Variants in VDAC1 observed in about 807,000 individuals in gnomAD.
VDAC1 encodes the protein non-selective voltage-gated ion channel VDAC1.
A neutral mutation model predicts 34.7 loss-of-function variants in VDAC1; 10 were observed. That is an observed-to-expected ratio of 0.29 (90% CI 0.18 to 0.49). The LOEUF is 0.49. Ranked by LOEUF, VDAC1 falls within the 20% of genes least tolerant of loss-of-function variation. VDAC1 has a pLI of 0.99. For synonymous variants in VDAC1, 130 were observed against 136.0 expected, an observed-to-expected ratio of 0.96 and a Z score of 0.30; for missense variants, 230 against 347.9, an observed-to-expected ratio of 0.66 and a Z score of 2.69.
At chr5:133,995,834 G>C (rs1753280290) in intron 1 of VDAC1, among the ~76,000 whole-genome samples, 2 of 152,196 alleles carry the variant, frequency 1.3e-5, no homozygotes, top group South Asian at 4.1e-4. Flanking sequence ...CTAAGGCGAG[G>C]ACTGGAGGAA....
At chr5:134,001,784 C>T (rs1031494089) in intron 1 of VDAC1, among the ~76,000 whole-genome samples, 1 of 151,638 alleles carries the variant, frequency 6.6e-6, no homozygotes, top group Non-Finnish European at 1.5e-5. Flanking sequence ...TGTATGAGAC[C>T]GACCCTATGG....
chr5:133,976,291 AG>A (rs1305002688), intron 6 of VDAC1: 1 of 326,482 alleles, frequency 3.1e-6, no homozygotes, highest in Non-Finnish European at 5.8e-6. Context: ...AGATCACTTG[AG>A]GTCAGGGGTT....
chr5:134,084,022 A>AT, the VDAC1 span, among the ~76,000 whole-genome samples: 1 of 152,230 alleles, frequency 6.6e-6, no homozygotes, highest in Non-Finnish European at 1.5e-5. Context: ...CATCTGTAAA[A>AT]TAGGGGGCAA....
the VDAC1 span, among the ~76,000 whole-genome samples, chr5:134,012,436 T>C: frequency 6.6e-6 from 1 of 152,190 alleles, no homozygotes; most frequent in Non-Finnish European, 1.5e-5. Flanking sequence ...AGTATGAATG[T>C]TTACTCCCAA....
chr5:133,996,246 C>T (rs928556796), intron 1 of VDAC1, among the ~76,000 whole-genome samples: 2 of 152,190 alleles, frequency 1.3e-5, no homozygotes, highest in Non-Finnish European at 2.9e-5. Context: ...GCAGACCTGC[C>T]TGCAGTCACT....
At chr5:134,061,974 G>A in the VDAC1 span, among the ~76,000 whole-genome samples, 104 of 151,440 alleles carry the variant, frequency 6.9e-4, no homozygotes, top group Middle Eastern at 3.4e-3. Flanking sequence ...TGTTTTTTGG[G>A]TTTTTTTGGT....
At chr5:134,048,489 A>C in the VDAC1 span, among the ~76,000 whole-genome samples, 1 of 141,850 alleles carries the variant, frequency 7.0e-6, no homozygotes, top group Middle Eastern at 4.5e-3. Context: ...CTGGTCTCGA[A>C]CTCCTACTCC....
At chr5:134,017,386 G>T in the VDAC1 span, among the ~76,000 whole-genome samples, 1 of 151,734 alleles carries the variant, frequency 6.6e-6, no homozygotes, top group Admixed American at 6.6e-5. Flanking sequence ...GAACCTGGAG[G>T]TGGAGGTTGC....
At chr5:133,992,218 A>G in intron 3 of VDAC1, 88 bp downstream of exon 3, 1 of 1,040,446 alleles carries the variant, frequency 9.6e-7, no homozygotes, top group African/African-American at 1.7e-5. Context: ...CCTGGGCGAC[A>G]AGAGCAAAAC....
the VDAC1 span, among the ~76,000 whole-genome samples, chr5:134,041,594 G>T: frequency 2.6e-5 from 4 of 152,222 alleles, no homozygotes; most frequent in Non-Finnish European, 5.9e-5. Context: ...CAGTGGGGAT[G>T]GGAAAGATGG....
the VDAC1 span, among the ~76,000 whole-genome samples, chr5:134,109,311 C>T: frequency 5.6e-4 from 85 of 152,320 alleles, no homozygotes; most frequent in Middle Eastern, 6.8e-3. Context: ...GCTGTCTCCC[C>T]AGGCCACATA....
chr5:134,083,339 C>A, the VDAC1 span, among the ~76,000 whole-genome samples: 1 of 151,992 alleles, frequency 6.6e-6, no homozygotes, highest in African/African-American at 2.4e-5. Context: ...CAGGCACCTG[C>A]CACCATGCCC....
At chr5:134,098,230 T>C in the VDAC1 span, among the ~76,000 whole-genome samples, 1 of 150,608 alleles carries the variant, frequency 6.6e-6, no homozygotes, top group African/African-American at 2.4e-5. Flanking sequence ...AGTCTTGCTC[T>C]GTCACCCAGG....
the VDAC1 span, among the ~76,000 whole-genome samples, chr5:134,075,557 A>T: frequency 6.6e-6 from 1 of 152,018 alleles, no homozygotes; most frequent in Non-Finnish European, 1.5e-5. Flanking sequence ...ACTATACACG[A>T]TACTGGTTTT....
At chr5:134,046,480 T>C in the VDAC1 span, among the ~76,000 whole-genome samples, 1 of 152,206 alleles carries the variant, frequency 6.6e-6, no homozygotes, top group East Asian at 1.9e-4. Context: ...CCTAAGATTC[T>C]TAATGTATTC....
chr5:134,008,249 A>G (rs1207851481), upstream of VDAC1, among the ~76,000 whole-genome samples: 1 of 151,952 alleles, frequency 6.6e-6, no homozygotes, highest in Non-Finnish European at 1.5e-5. Context: ...AAGTAAGCCC[A>G]TAAGAGAAAG....
chr5:133,996,671 A>C (rs1464770399), intron 1 of VDAC1, among the ~76,000 whole-genome samples: 1 of 152,154 alleles, frequency 6.6e-6, no homozygotes, highest in Non-Finnish European at 1.5e-5. Flanking sequence ...GTATATAAAG[A>C]TGCTAAGCCC....
intron 6 of VDAC1, among the ~76,000 whole-genome samples, chr5:133,976,842 G>C (rs543750243): frequency 1.3e-5 from 2 of 152,118 alleles, no homozygotes; most frequent in Admixed American, 6.5e-5. Context: ...TCAGGAGTTT[G>C]AGACCAGCCT....
the VDAC1 span, among the ~76,000 whole-genome samples, chr5:134,074,605 C>G: frequency 2.0e-5 from 3 of 152,012 alleles, no homozygotes; most frequent in African/African-American, 7.2e-5. Flanking sequence ...CCTGGTCAAC[C>G]AACCTATGAG....
Sources: gnomAD v4.1 joint callset for allele counts (sites outside exome capture counted in the v4.1 genomes callset) on GRCh38, gnomAD v4.1.1 for gene constraint, MANE v1.5 for transcripts, NCBI Gene and HGNC (gene_info 2026-07-23, HGNC 2026-07-21) for gene names.